Variants in SCUBE2 observed in about 807,000 individuals in gnomAD.
The protein encoded by SCUBE2 is signal peptide, CUB domain and EGF like domain containing 2, also known as signal peptide, CUB and EGF-like domain-containing protein 2.
Under a neutral mutation model 125.9 loss-of-function variants are expected in SCUBE2, and 114 were observed. The observed-to-expected ratio is 0.91, with a 90% CI of 0.78 to 1.06. The LOEUF is 1.06. Ranked by LOEUF, SCUBE2 falls within the 50% of genes least tolerant of loss-of-function variation. The pLI is 0.00. For missense variants in SCUBE2, 1,255 were observed against 1,301.8 expected (o/e 0.96, Z 0.55); for synonymous variants, 459 against 492.9 (o/e 0.93, Z 0.91).
Position 9,021,976 on chromosome 11 carries a change from T to G in SCUBE2, c.2855-21A>C, listed in dbSNP as rs367701167. On this transcript the variant is annotated intron_variant, in intron 21 of 22. Coordinates refer to ENST00000649792, the MANE Select transcript of SCUBE2 (RefSeq NM_001367977.2). ...GTCCTCTGTTGGAATAAAGAACATG[T>G]TTTGCATTCTTATGATTTAGTTGCT... The G allele has an allele frequency of 5.6e-5, 88 of 1,574,486 alleles. 1 individual carries two copies. In the African/African-American group the frequency reaches 1.1e-3, roughly 19 times the overall value.
In SCUBE2 at chr11:9,089,841, CACAGCTG is replaced by C; in HGVS notation, c.134-19_134-13del. 1 of 1,612,590 alleles carries C rather than the reference CACAGCTG, an allele frequency of 6.2e-7. No individual in the cohort carries two copies. Reference sequence around the variant, plus strand: ...ACACTCATCTACATCTGCAAAAGAGCACAGCTGACACCTGGTACAGGCTCCCAGGCCA... The same window carrying C: ...ACACTCATCTACATCTGCAAAAGAGCACACCTGGTACAGGCTCCCAGGCCA... On this transcript the variant is annotated splice_polypyrimidine_tract_variant and intron_variant, in intron 1 of 22. Coordinates refer to ENST00000649792, the MANE Select transcript of SCUBE2 (RefSeq NM_001367977.2).
At chr11:9,055,539 T>C (rs915719498) in intron 10 of SCUBE2, among the ~76,000 whole-genome samples, 1 of 152,244 alleles carries the variant, frequency 6.6e-6, no homozygotes, top group Non-Finnish European at 1.5e-5. Flanking sequence ...ATCAAGTCGA[T>C]AGAGAATTCA....
chr11:9,072,499 C>T (rs540766399), intron 4 of SCUBE2, among the ~76,000 whole-genome samples: 4 of 152,042 alleles, frequency 2.6e-5, no homozygotes, highest in South Asian at 2.1e-4. Flanking sequence ...TGAGCCACCA[C>T]GTCTGGCACC....
intron 4 of SCUBE2, among the ~76,000 whole-genome samples, chr11:9,073,450 G>A (rs1860973902): frequency 1.3e-5 from 2 of 152,166 alleles, no homozygotes; most frequent in Non-Finnish European, 2.9e-5. Flanking sequence ...AGGTATTCTA[G>A]TTAAGTATAA....
At chr11:9,027,596 A>C (rs748943137) in intron 19 of SCUBE2, 35 bp from the exon 20 acceptor site, 2 of 1,581,486 alleles carry the variant, frequency 1.3e-6, no homozygotes, top group Non-Finnish European at 1.7e-6. Context: ...ATGGCACGAC[A>C]CTGTCATCTC....
At chr11:9,031,494 T>C (rs1480000186) in intron 17 of SCUBE2, among the ~76,000 whole-genome samples, 1 of 152,006 alleles carries the variant, frequency 6.6e-6, no homozygotes, top group Non-Finnish European at 1.5e-5. Flanking sequence ...CCAGACATAG[T>C]GGCACATGTC....
intron 9 of SCUBE2, among the ~76,000 whole-genome samples, chr11:9,056,639 T>C: frequency 6.6e-6 from 1 of 152,206 alleles, no homozygotes; most frequent in South Asian, 2.1e-4. Context: ...GCGGGGGTCA[T>C]GCACAGCAGC....
rs551898017 is a variant in SCUBE2, at chr11:9,029,994, C to T, written c.2393G>A (p.Arg798His). ...AGGCTGGTATGTTCCCACTGGGCAA[C>T]GAATACATCGGTGAGTGGTGGTGTT... ...FYNTTTHRCI[R>H]CPVGTYQPEF... The change falls in exon 19 of 23, where the codon CGT (arginine) becomes CAT (histidine). Residue 798 changes from arginine to histidine, a missense_variant. Coordinates refer to ENST00000649792, the MANE Select transcript of SCUBE2 (RefSeq NM_001367977.2). 14 of 1,613,890 alleles carry T rather than the reference C, an allele frequency of 8.7e-6. No homozygotes were observed. Among genetic ancestry groups the T allele is most frequent in the African/African-American group, 6.7e-5 (5 of 74,848 alleles).
chr11:9,035,643 G>C (rs1481525909), intron 16 of SCUBE2, among the ~76,000 whole-genome samples: 1 of 151,866 alleles, frequency 6.6e-6, no homozygotes, highest in African/African-American at 2.4e-5. Flanking sequence ...TATATTCTTA[G>C]GGTTAAACAT....
chr11:9,074,896 A>T (rs902700421), intron 3 of SCUBE2, among the ~76,000 whole-genome samples: 14 of 152,218 alleles, frequency 9.2e-5, no homozygotes, highest in Non-Finnish European at 5.9e-5. Context: ...TAGAGGAGAC[A>T]GCAAAATATA....
chr11:9,074,158 CT>C (rs1861027508), intron 4 of SCUBE2, among the ~76,000 whole-genome samples: 1 of 152,204 alleles, frequency 6.6e-6, no homozygotes, highest in South Asian at 2.1e-4. Flanking sequence ...TTTTGAAAAA[CT>C]TGGCAGATCA....
chr11:9,034,364 A>G (rs1217117208), intron 16 of SCUBE2, among the ~76,000 whole-genome samples: 3 of 152,134 alleles, frequency 2.0e-5, no homozygotes, highest in Non-Finnish European at 2.9e-5. Flanking sequence ...TTGGGAATAG[A>G]CTGCAAAAGT....
At chr11:9,067,174 C>T (rs138281771) in intron 5 of SCUBE2, among the ~76,000 whole-genome samples, 1 of 152,230 alleles carries the variant, frequency 6.6e-6, no homozygotes, top group East Asian at 1.9e-4. Context: ...TGTACTGGGG[C>T]TTTGGGAAAT....
intron 3 of SCUBE2, among the ~76,000 whole-genome samples, chr11:9,076,453 A>G (rs975803689): frequency 6.6e-6 from 1 of 152,002 alleles, no homozygotes; most frequent in Non-Finnish European, 1.5e-5. Context: ...CCTTGAGGAC[A>G]GAGATTTTTG....
At chr11:9,039,298 G>A (rs1293129647) in intron 16 of SCUBE2, among the ~76,000 whole-genome samples, 2 of 152,070 alleles carry the variant, frequency 1.3e-5, no homozygotes, top group Middle Eastern at 3.2e-3. Context: ...GGAGAAAACT[G>A]GTCAGATAAA....
Position 9,050,664 on chromosome 11 carries a change from G to C in SCUBE2, c.1581C>G (p.Gly527=). 1 of 1,614,196 alleles carries C rather than the reference G, an allele frequency of 6.2e-7. No individual in the cohort carries two copies. Among genetic ancestry groups the C allele is most frequent in the South Asian group, 1.1e-5 (1 of 91,086 alleles). Residue 527 remains glycine, a synonymous_variant, in exon 14 of 23, where the codon GGC becomes GGG. Transcript: ENST00000649792. The part of the protein sequence containing the change: ...RTSVTFKLNE[G]KCSLKNAELF... ...GCTCAGCATTTTTCAAACTACACTT[G>C]CCTTCATTTAGCTTAAAGGTTACAC... is the stretch of plus-strand genomic sequence containing the variant.
At position 9,089,815 on chromosome 11, in the gene SCUBE2, C is replaced by T; in HGVS notation, c.148G>A (p.Ala50Thr). 6.2e-7 allele frequency: 1 copy of T among 1,613,780 alleles called. No homozygotes were observed. The highest frequency in any genetic ancestry group is 1.1e-5 in the South Asian group (1 of 91,042). The change falls in exon 2 of 23, where the codon GCC becomes ACC. Residue 50 changes from alanine (A) to threonine (T), a missense_variant. Physicochemically the swap from Ala to Thr is moderately conservative, Grantham distance 58. Around this residue, in one of 3 missense-constraint regions of SCUBE2, gnomAD observed 362 missense variants for 323.0 expected, o/e 1.12. Transcript: ENST00000649792. ...GCATGGCAGTCATCTAGCCCTTGGG[C>T]ACACTCATCTACATCTGCAAAAGAG... is the stretch of plus-strand genomic sequence containing the variant. ...AGPQEDVDEC[A>T]QGLDDCHADA... is the part of the protein sequence containing the mutation.
intron 7 of SCUBE2, among the ~76,000 whole-genome samples, chr11:9,062,248 A>C (rs1438927494): frequency 1.3e-5 from 2 of 152,248 alleles, no homozygotes; most frequent in East Asian, 3.8e-4. Flanking sequence ...AATAACAGCC[A>C]TTGAAAGTTC....
rs774662035 is a variant in SCUBE2, at chr11:9,021,903, T to G, written c.2907A>C (p.Ala969=). Residue 969 remains alanine (A), a synonymous_variant, in exon 22 of 23, where the codon GCA becomes GCC. Transcript: ENST00000649792. ...EDIVRDGRLY[A]SENHQEILKD... is the part of the protein sequence containing the mutation. ...TAAGTATTTCCTGATGGTTCTCAGA[T>G]GCATAGAGCCTGCCATCTCGAACTA... 1.8e-5 allele frequency: 29 copies of G among 1,613,932 alleles called. 1 individual carries two copies. Among genetic ancestry groups the G allele is most frequent in the Middle Eastern group, 1.7e-4 (1 of 6,032 alleles).
Sources: allele counts gnomAD v4.1 joint callset (sites outside exome capture counted in the v4.1 genomes callset), GRCh38; gene constraint gnomAD v4.1.1; regional missense constraint gnomAD v4.1.1; transcripts MANE v1.5; gene names NCBI Gene and HGNC (gene_info 2026-07-23, HGNC 2026-07-21).